The following SUV39H2 variants were observed in gnomAD, a reference collection of about 807,000 sequenced individuals.
The protein encoded by SUV39H2 is histone-lysine N-methyltransferase SUV39H2.
In SUV39H2, 10 loss-of-function variants were observed where a neutral mutation model predicts 47.5. The observed-to-expected ratio is 0.21, with a 90% confidence interval of 0.13 to 0.36. The LOEUF (loss-of-function observed/expected upper bound fraction) is 0.36. Among genes scored for constraint, SUV39H2 ranks in the 10% least tolerant of loss-of-function variants. The probability of loss-of-function intolerance (pLI) is 1.00; values close to 1 mark genes in which losing one functional copy is unlikely to be tolerated. For missense variants in SUV39H2, 266 were observed against 487.4 expected, an observed-to-expected ratio of 0.55 and a Z score of 4.28; for synonymous variants, 159 against 166.8, an observed-to-expected ratio of 0.95 and a Z score of 0.36.
At chr10:14,901,577 A>C (rs902158800) in intron 5 of SUV39H2, among the ~76,000 whole-genome samples, 1 of 150,594 alleles carries the variant, frequency 6.6e-6, no homozygotes, top group Admixed American at 6.6e-5. Context: ...TGGGCTAAGC[A>C]TGCTGGCTCC....
At chr10:14,894,424 G>A (rs1448060622) in intron 2 of SUV39H2, among the ~76,000 whole-genome samples, 1 of 101,076 alleles carries the variant, frequency 9.9e-6, no homozygotes, top group East Asian at 3.1e-4. Context: ...CTGGAGTGCA[G>A]TGGCGCGATC....
chr10:14,883,281 C>T (rs1331074014), intron 2 of SUV39H2, among the ~76,000 whole-genome samples: 1 of 152,186 alleles, frequency 6.6e-6, no homozygotes, highest in African/African-American at 2.4e-5. Context: ...TTTCTTTGGC[C>T]TTGCCTCTCC....
intron 1 of SUV39H2, among the ~76,000 whole-genome samples, chr10:14,881,005 A>T (rs1362827513): frequency 6.6e-6 from 1 of 152,196 alleles, no homozygotes; most frequent in African/African-American, 2.4e-5. Context: ...TTTTAATTAG[A>T]TTTCAGTTCG....
intron 2 of SUV39H2, among the ~76,000 whole-genome samples, chr10:14,894,355 GTTTTTTTTTT>G (rs35812740): frequency 3.4e-5 from 2 of 58,096 alleles, no homozygotes; most frequent in Admixed American, 1.8e-4. Context: ...AGAAAGCAAA[GTTTTTTTTTT>G]TTTTTTTTTT....
chr10:14,886,793 C>T (rs946824915), intron 2 of SUV39H2, among the ~76,000 whole-genome samples: 2 of 152,178 alleles, frequency 1.3e-5, no homozygotes, highest in Admixed American at 6.5e-5. Context: ...AGAAATAACC[C>T]GTTGCAGTGT....
intron 3 of SUV39H2, chr10:14,898,198 G>GTTTTTTTTT (rs1833728015): frequency 1.6e-5 from 1 of 64,396 alleles, no homozygotes; most frequent in African/African-American, 6.9e-5. Context: ...AGGTAGTACT[G>GTTTTTTTTT]TTTCTTTTTT....
chr10:14,888,361 C>T (rs978418273), intron 2 of SUV39H2, among the ~76,000 whole-genome samples: 2 of 151,930 alleles, frequency 1.3e-5, no homozygotes, highest in Non-Finnish European at 2.9e-5. Flanking sequence ...GTTGGCCGGG[C>T]GCAGTGGCTC....
At chr10:14,882,303 A>G (rs1056377897) in intron 2 of SUV39H2, among the ~76,000 whole-genome samples, 1 of 152,244 alleles carries the variant, frequency 6.6e-6, no homozygotes, top group Non-Finnish European at 1.5e-5. Context: ...TCATTAATCT[A>G]CCAAATCTAT....
chr10:14,883,269 A>AT (rs1833098210), intron 2 of SUV39H2, among the ~76,000 whole-genome samples: 1 of 151,726 alleles, frequency 6.6e-6, no homozygotes, highest in African/African-American at 2.4e-5. Flanking sequence ...ACCTTCAGAG[A>AT]TTTTCTTTGG....
chr10:14,891,414 A>T (rs142346763), intron 2 of SUV39H2, among the ~76,000 whole-genome samples: 1,800 of 152,336 alleles, frequency 0.012, 30 homozygotes, highest in African/African-American at 0.04. Context: ...AACCATTAAC[A>T]GTTTTTAAGC....
rs747262510 is a variant in SUV39H2, at chr10:14,897,191, T to A, written c.523T>A (p.Tyr175Asn). 1.9e-6 allele frequency: 3 copies of A among 1,613,848 alleles called. No individual in the cohort carries two copies. The highest frequency in any genetic ancestry group is 2.5e-6 in the Non-Finnish European group (3 of 1,180,036). Residue 175 changes from tyrosine (Y) to asparagine (N), a missense_variant, in exon 3 of 6, where the codon TAC (tyrosine) becomes AAC (asparagine). Around this residue, in one of 4 missense-constraint regions of SUV39H2, gnomAD observed 91 missense variants for 110.9 expected, o/e 0.82. Transcript: ENST00000354919. ...PPSDFYYINEYKPAPGISLVN... is the reference protein window; with the variant it reads ...PPSDFYYINENKPAPGISLVN... Reference sequence around the variant, plus strand: ...TTCAGACTTCTATTACATTAACGAATACAAACCAGCTCCTGGAATCAGCTT... The same window carrying A: ...TTCAGACTTCTATTACATTAACGAAAACAAACCAGCTCCTGGAATCAGCTT...
rs116226653 is a variant in SUV39H2, at chr10:14,897,695, T to C, written c.849+178T>C. The C allele has an allele frequency of 5.2e-3, 2,423 of 465,034 alleles. 51 individuals carry two copies. Among genetic ancestry groups the C allele is most frequent in the African/African-American group, 0.042 (2,093 of 49,878 alleles). The allele number at this position is 465,034 out of a possible 1,614,324, so 28.8% of individuals were successfully genotyped here. A position where few individuals can be genotyped will look rare whatever the true frequency, so the allele number is the denominator to read the frequency against. On this transcript the variant is annotated intron_variant, in intron 3 of 5. Transcript: ENST00000354919. ...ACTGGCATATTTAGAAATAAAAAAC[T>C]TTTATATGAATAAAAAATATACGTT...
chr10:14,885,073 A>AT (rs1414488889), intron 2 of SUV39H2, among the ~76,000 whole-genome samples: 2 of 152,036 alleles, frequency 1.3e-5, no homozygotes, highest in African/African-American at 4.8e-5. Context: ...CTCCTCTGAA[A>AT]TGTTGATAGT....
chr10:14,879,447 C>G (rs554739384), intron 1 of SUV39H2, among the ~76,000 whole-genome samples: 1 of 152,208 alleles, frequency 6.6e-6, no homozygotes. Flanking sequence ...AGGAATCCCC[C>G]CCAAGGCGGA....
intron 2 of SUV39H2, among the ~76,000 whole-genome samples, chr10:14,882,382 C>G (rs1833064045): frequency 6.6e-6 from 1 of 152,178 alleles, no homozygotes; most frequent in Non-Finnish European, 1.5e-5. Flanking sequence ...TTGAATCAGT[C>G]ACTAAATCCC....
chr10:14,889,676 A>G (rs1231859844), intron 2 of SUV39H2, among the ~76,000 whole-genome samples: 1 of 152,302 alleles, frequency 6.6e-6, no homozygotes, highest in East Asian at 1.9e-4. Flanking sequence ...TGAAAATAAC[A>G]CAGGAGGTAG....
chr10:14,882,519 A>ACAAG (rs761119253), intron 2 of SUV39H2, among the ~76,000 whole-genome samples: 6 of 152,156 alleles, frequency 3.9e-5, no homozygotes, highest in Admixed American at 6.5e-5. Context: ...ATCTCAGTTT[A>ACAAG]CAAGCTATGG....
rs557549011 is a variant in SUV39H2 at position 14,895,500 on chromosome 10, T to C, written c.178-1346T>C. On this transcript the variant is annotated intron_variant, in intron 2 of 5. Coordinates refer to ENST00000354919, the MANE Select transcript of SUV39H2 (RefSeq NM_001193424.2). ...CGGAACTGCCTTTTTAAAAAGAAAC[T>C]TAAACGTGGCATTGCCTTACTTTAA... Among the ~76,000 whole-genome samples the C allele has an allele frequency of 3.3e-5, 5 of 152,280 alleles. No individual in the cohort carries two copies. In the South Asian group the frequency reaches 6.2e-4, roughly 19 times the overall value.
rs1024906947 is a variant in SUV39H2 at position 14,902,413 on chromosome 10, A to G, written c.1134A>G (p.Gly378=). The change falls in exon 6 of 6, where the codon GGA becomes GGG. Residue 378 remains glycine, a synonymous_variant. Coordinates refer to ENST00000354919, the MANE Select transcript of SUV39H2 (RefSeq NM_001193424.2). ...CTTTTTCTGTGTCTTCAGGTTCTGG[A>G]GATATATCTTCAGATTCTATTGACC... is the stretch of plus-strand genomic sequence containing the variant. The part of the protein sequence containing the change: ...LTFDYQMKGS[G]DISSDSIDHS... 1 of 1,605,026 alleles carries G rather than the reference A, an allele frequency of 6.2e-7. No homozygotes were observed. The highest frequency in any genetic ancestry group is 8.5e-7 in the Non-Finnish European group (1 of 1,175,890).
Sources: gnomAD v4.1 joint callset for allele counts (sites outside exome capture counted in the v4.1 genomes callset) on GRCh38, gnomAD v4.1.1 for gene constraint, gnomAD v4.1.1 regional missense constraint, MANE v1.5 for transcripts, NCBI Gene and HGNC (gene_info 2026-07-23, HGNC 2026-07-21) for gene names.